The following GYS2 variants were observed in gnomAD, a reference collection of about 807,000 sequenced individuals.
The protein encoded by GYS2 is glycogen [starch] synthase, liver.
In GYS2, 80 loss-of-function variants were observed where a neutral mutation model predicts 85.6. That is an observed-to-expected ratio of 0.93 (90% confidence interval 0.78 to 1.13). The LOEUF is 1.13. GYS2 is among the 50% of genes most tolerant of loss of function. The pLI is 0.00. For missense variants in GYS2, 881 were observed against 854.9 expected (o/e 1.03, Z -0.38); for synonymous variants, 328 against 300.7 (o/e 1.09, Z -0.94).
chr12:21,542,052 C>CT (rs71053320), intron 13 of GYS2, among the ~76,000 whole-genome samples: 56,184 of 149,480 alleles, frequency 0.38, 11,044 homozygotes, highest in South Asian at 0.55. Flanking sequence ...TATAAATCTA[C>CT]TTTTTTTTTT....
intron 1 of GYS2, among the ~76,000 whole-genome samples, chr12:21,603,919 A>G (rs951183277): frequency 7.2e-5 from 11 of 152,124 alleles, no homozygotes; most frequent in African/African-American, 2.4e-4. Flanking sequence ...TTCCTACATA[A>G]GCATAGCATT....
rs1235818842 is a variant in GYS2 at position 21,540,470 on chromosome 12, A to G, written c.1749T>C (p.Ile583=). 4 of 1,614,046 alleles carry G rather than the reference A, an allele frequency of 2.5e-6. No homozygotes were observed. The highest frequency in any genetic ancestry group is 2.2e-5 in the South Asian group (2 of 91,078). The change falls in exon 14 of 16, where the codon ATT becomes ATC. Residue 583 remains isoleucine (I), a synonymous_variant. Transcript: ENST00000261195. The part of the protein sequence containing the change: ...GFCKQSRRQR[I]IQRNRTERLS... ...GCCTCTCAGTTCTGTTCCTCTGGAT[A>G]ATCCTTTGGCGGCGTGACTGTTTGC...
chr12:21,604,557 C>T lies in GYS2; in HGVS notation c.36G>A (p.Leu12=), dbSNP rs773596311. The T allele has an allele frequency of 9.9e-6, 16 of 1,612,626 alleles. No individual in the cohort carries two copies. Among genetic ancestry groups the T allele is most frequent in the Non-Finnish European group, 1.3e-5 (15 of 1,178,984 alleles). The part of the protein sequence containing the change: ...LRGRSLSVTS[L]GGLPQWEVEE... The stretch of plus-strand genomic sequence containing the variant: ...CGACTTCCCACTGGGGAAGCCCACC[C>T]AGGGATGTTACAGAGAGGGATCGGC... The change falls in exon 1 of 16, where the codon CTG becomes CTA. Residue 12 remains leucine, a synonymous_variant. Transcript: ENST00000261195.
chr12:21,563,696 C>G (rs150416158), intron 5 of GYS2, among the ~76,000 whole-genome samples: 1 of 152,226 alleles, frequency 6.6e-6, no homozygotes, highest in East Asian at 1.9e-4. Flanking sequence ...TAGAGTGTAA[C>G]TCAATCTCTT....
At chr12:21,543,826 A>G (rs905169578) in intron 12 of GYS2, among the ~76,000 whole-genome samples, 3 of 152,098 alleles carry the variant, frequency 2.0e-5, no homozygotes, top group African/African-American at 7.2e-5. Context: ...CCCACTTATG[A>G]GTGAGAACAT....
chr12:21,591,316 A>G (rs1944636491), intron 1 of GYS2, among the ~76,000 whole-genome samples: 1 of 152,106 alleles, frequency 6.6e-6, no homozygotes, highest in Non-Finnish European at 1.5e-5. Flanking sequence ...ACCAAACAGA[A>G]ATTCTGTAAC....
intron 3 of GYS2, among the ~76,000 whole-genome samples, 173 bp from the exon 4 acceptor site, chr12:21,574,499 C>T (rs1407149119): frequency 1.3e-5 from 2 of 152,126 alleles, no homozygotes; most frequent in African/African-American, 4.8e-5. Flanking sequence ...GTGGCATGTT[C>T]ATTAACCCCA....
chr12:21,574,733 A>T (rs1944426083), intron 3 of GYS2, among the ~76,000 whole-genome samples: 1 of 152,066 alleles, frequency 6.6e-6, no homozygotes, highest in African/African-American at 2.4e-5. Flanking sequence ...GCTTATTTTT[A>T]AAAAACTACT....
At chr12:21,601,521 A>G (rs1271836058) in intron 1 of GYS2, among the ~76,000 whole-genome samples, 2 of 152,130 alleles carry the variant, frequency 1.3e-5, no homozygotes. Context: ...TGGCATATAT[A>G]GTTCTCTCAC....
In GYS2 at chr12:21,579,920, T is replaced by A. The variant is rs562667878; in HGVS notation, c.303+422A>T. 5.3e-5 allele frequency among the ~76,000 whole-genome samples: 8 copies of A among 152,348 alleles called. No individual in the cohort carries two copies. In the South Asian group the frequency reaches 1.5e-3, roughly 28 times the overall value. ...GCTTCTGAGGATTAAGACTTGAACATCCTTGGTTGTACATCATTAGCTTTG... is the reference window on the plus strand; with the variant it reads ...GCTTCTGAGGATTAAGACTTGAACAACCTTGGTTGTACATCATTAGCTTTG... On this transcript the variant is annotated intron_variant, in intron 2 of 15. Transcript: ENST00000261195.
At chr12:21,559,317 A>G (rs948963909) in intron 9 of GYS2, 148 bp from the exon 10 acceptor site, 19 of 585,744 alleles carry the variant, frequency 3.2e-5, no homozygotes, top group Non-Finnish European at 5.1e-5. Flanking sequence ...ACATAGACTT[A>G]ATATTTAAGT....
At position 21,540,719 on chromosome 12, in the gene GYS2, T is replaced by C. The variant is rs115171392; in HGVS notation, c.1646-146A>G. On this transcript the variant is annotated intron_variant, in intron 13 of 15. Transcript: ENST00000261195. ...CAGGAATTACCCCCACTTTATTCTT[T>C]TCTGAGGCCCTAATTCCCTTCTAAT... is the stretch of plus-strand genomic sequence containing the variant. The C allele has an allele frequency of 1.4e-3, 983 of 723,490 alleles. 10 individuals are homozygous for C. In the African/African-American group the frequency reaches 0.015, roughly 11 times the overall value. 44.8% of individuals were successfully genotyped at this position (723,490 alleles called of 1,614,324 possible). A position where few individuals can be genotyped will look rare whatever the true frequency, so the allele number is the denominator to read the frequency against.
At chr12:21,572,057 A>G (rs899852277) in intron 4 of GYS2, among the ~76,000 whole-genome samples, 2 of 152,162 alleles carry the variant, frequency 1.3e-5, no homozygotes, top group African/African-American at 4.8e-5. Flanking sequence ...AAAAGAATTT[A>G]TTATGTAGTC....
chr12:21,558,985 C>T lies in GYS2; in HGVS notation c.1308+106G>A, dbSNP rs1944217873. The T allele has an allele frequency of 7.4e-6, 5 of 672,228 alleles. No individual in the cohort carries two copies. In the South Asian group the frequency reaches 7.4e-5, roughly 10 times the overall value. The allele number at this position is 672,228 out of a possible 1,614,324, so 41.6% of individuals were successfully genotyped here. ...ACTATGTAAGAATGTCTTTTCTAGC[C>T]TCAGGTCTGAAAATGTTCCAAATTA... is the stretch of plus-strand genomic sequence containing the variant. On this transcript the variant is annotated intron_variant, in intron 10 of 15. Coordinates refer to ENST00000261195, the MANE Select transcript of GYS2 (RefSeq NM_021957.4).
intron 11 of GYS2, among the ~76,000 whole-genome samples, chr12:21,552,743 C>T (rs1326872989): frequency 6.6e-6 from 1 of 152,218 alleles, no homozygotes; most frequent in Non-Finnish European, 1.5e-5. Flanking sequence ...AAGTCATGTG[C>T]TTTGATATCT....
At chr12:21,603,159 GAAAAGAATACA>G (rs1226424002) in intron 1 of GYS2, among the ~76,000 whole-genome samples, 3 of 152,036 alleles carry the variant, frequency 2.0e-5, no homozygotes, top group Non-Finnish European at 4.4e-5. Flanking sequence ...GATCTCTGAG[GAAAAGAATACA>G]AAATAATTTA....
chr12:21,594,903 G>A (rs185425034), intron 1 of GYS2, among the ~76,000 whole-genome samples: 118 of 152,232 alleles, frequency 7.8e-4, no homozygotes, highest in Non-Finnish European at 1.2e-3. Context: ...CAGACACTTA[G>A]ACCAATGGAA....
At chr12:21,552,209 A>T (rs1429260336) in intron 11 of GYS2, among the ~76,000 whole-genome samples, 1 of 152,078 alleles carries the variant, frequency 6.6e-6, no homozygotes. Context: ...GGCTTGTCTG[A>T]CTCTTTATTT....
At chr12:21,581,274 C>T (rs1462631140) in intron 1 of GYS2, among the ~76,000 whole-genome samples, 1 of 152,206 alleles carries the variant, frequency 6.6e-6, no homozygotes, top group East Asian at 1.9e-4. Context: ...ATGAAATCCA[C>T]AGGCAAACAG....
Sources: gnomAD v4.1 joint callset for allele counts (sites outside exome capture counted in the v4.1 genomes callset) on GRCh38, gnomAD v4.1.1 for gene constraint, MANE v1.5 for transcripts, NCBI Gene and HGNC (gene_info 2026-07-23, HGNC 2026-07-21) for gene names.